The following TBL1XR1 variants were observed in gnomAD, a reference collection of about 807,000 sequenced individuals.
The protein encoded by TBL1XR1 is F-box-like/WD repeat-containing protein TBL1XR1.
Under a neutral mutation model 66.9 loss-of-function variants are expected in TBL1XR1, and 5 were observed. The observed-to-expected ratio is 0.07, with a 90% CI of 0.04 to 0.16. TBL1XR1 has a LOEUF of 0.16. Among genes scored for constraint, TBL1XR1 ranks in the 10% least tolerant of loss-of-function variants. The pLI is 1.00. For synonymous variants in TBL1XR1, 210 were observed against 206.0 expected (o/e 1.02, Z -0.17); for missense variants, 238 against 623.2 (o/e 0.38, Z 6.58).
chr3:177,027,809 T>A (rs538653971), intron 14 of TBL1XR1: 10 of 152,210 alleles, frequency 6.6e-5, no homozygotes, highest in Non-Finnish European at 1.5e-4. Flanking sequence ...AACTGTTTTG[T>A]TTACTTAAAA....
chr3:177,063,897 C>T (rs1227801473), intron 3 of TBL1XR1, among the ~76,000 whole-genome samples: 1 of 152,134 alleles, frequency 6.6e-6, no homozygotes, highest in Non-Finnish European at 1.5e-5. Flanking sequence ...CCAAAAAATG[C>T]TCAGCACTGA....
intron 3 of TBL1XR1, among the ~76,000 whole-genome samples, chr3:177,062,247 T>C (rs1476075856): frequency 6.6e-6 from 1 of 152,262 alleles, no homozygotes; most frequent in Non-Finnish European, 1.5e-5. Flanking sequence ...TTTTCTACTT[T>C]ATCTTGAATA....
chr3:177,088,503 T>A (rs780293094), intron 2 of TBL1XR1, among the ~76,000 whole-genome samples: 1 of 152,204 alleles, frequency 6.6e-6, no homozygotes, highest in Non-Finnish European at 1.5e-5. Context: ...AATACTCTGG[T>A]CCTAAGTATT....
chr3:177,194,812 T>C (rs1577459873), intron 1 of TBL1XR1, among the ~76,000 whole-genome samples: 1 of 152,198 alleles, frequency 6.6e-6, no homozygotes, highest in South Asian at 2.1e-4. Context: ...AGAATACAAA[T>C]ATCAAAAAGA....
At chr3:177,070,973 T>C (rs1719904113) in intron 2 of TBL1XR1, among the ~76,000 whole-genome samples, 1 of 151,530 alleles carries the variant, frequency 6.6e-6, no homozygotes, top group Non-Finnish European at 1.5e-5. Context: ...TAATGAGACT[T>C]TATCAACTAA....
At chr3:177,106,745 C>G (rs1169666249) in intron 1 of TBL1XR1, among the ~76,000 whole-genome samples, 1 of 152,194 alleles carries the variant, frequency 6.6e-6, no homozygotes, top group Non-Finnish European at 1.5e-5. Context: ...AGACAGTCCG[C>G]TAACAGGGAA....
At chr3:177,065,071 C>A (rs1718976326) in intron 2 of TBL1XR1, 49 bp from the exon 3 acceptor site, 6 of 1,211,992 alleles carry the variant, frequency 5.0e-6, no homozygotes, top group African/African-American at 1.6e-5. Flanking sequence ...TATTTTTAAA[C>A]AAGATGTAAA....
chr3:177,156,538 C>G (rs1268111791), intron 1 of TBL1XR1, among the ~76,000 whole-genome samples: 1 of 149,174 alleles, frequency 6.7e-6, no homozygotes, highest in Non-Finnish European at 1.5e-5. Flanking sequence ...CACACACACA[C>G]ACACACACAC....
At chr3:177,050,188 C>A in intron 6 of TBL1XR1, 50 bp from the exon 7 acceptor site, 2 of 1,573,260 alleles carry the variant, frequency 1.3e-6, no homozygotes, top group Non-Finnish European at 1.7e-6. Flanking sequence ...TCTCACGTAT[C>A]AGAACAAGGC....
chr3:177,116,501 T>C (rs1386898394), intron 1 of TBL1XR1, among the ~76,000 whole-genome samples: 1 of 152,220 alleles, frequency 6.6e-6, no homozygotes, highest in African/African-American at 2.4e-5. Context: ...AAATTTTAGA[T>C]CACTCACATC....
At chr3:177,139,829 A>C (rs1236291304) in intron 1 of TBL1XR1, among the ~76,000 whole-genome samples, 1 of 152,214 alleles carries the variant, frequency 6.6e-6, no homozygotes, top group Non-Finnish European at 1.5e-5. Context: ...AACACTCAAC[A>C]GAGTAACATT....
intron 2 of TBL1XR1, among the ~76,000 whole-genome samples, chr3:177,077,519 C>T (rs1720838238): frequency 6.6e-6 from 1 of 152,330 alleles, no homozygotes; most frequent in East Asian, 1.9e-4. Context: ...CTTACAGCCA[C>T]GTCTCTCTTT....
intron 1 of TBL1XR1, among the ~76,000 whole-genome samples, chr3:177,105,294 T>C (rs775414690): frequency 6.6e-6 from 1 of 152,186 alleles, no homozygotes; most frequent in Non-Finnish European, 1.5e-5. Flanking sequence ...TACATAAAGT[T>C]TGATAGCTGC....
intron 1 of TBL1XR1, chr3:177,161,049 A>T (rs181593082): frequency 2.6e-4 from 40 of 152,284 alleles, no homozygotes; most frequent in African/African-American, 9.1e-4. Context: ...AAAAAAATTT[A>T]TATCAAGTAC....
chr3:177,134,318 C>A (rs535429675), intron 1 of TBL1XR1, among the ~76,000 whole-genome samples: 49 of 152,226 alleles, frequency 3.2e-4, no homozygotes, highest in African/African-American at 1.1e-3. Context: ...CACCACAAGT[C>A]ACATAGCAAC....
At chr3:177,025,851 T>C (rs1713039573) in intron 15 of TBL1XR1, 1 of 347,408 alleles carries the variant, frequency 2.9e-6, no homozygotes, top group Middle Eastern at 8.5e-4. Flanking sequence ...TCACAGATTA[T>C]ATTCAGCTAC....
At chr3:177,157,942 A>G (rs1369704130) in intron 1 of TBL1XR1, among the ~76,000 whole-genome samples, 1 of 152,154 alleles carries the variant, frequency 6.6e-6, no homozygotes, top group African/African-American at 2.4e-5. Context: ...GTACAGCTCA[A>G]TGAAGTTTGT....
chr3:177,025,436 A>T lies in TBL1XR1; in HGVS notation c.*62T>A, dbSNP rs1712969684. 1 of 1,577,170 alleles carries T rather than the reference A, an allele frequency of 6.3e-7. No individual in the cohort carries two copies. Among genetic ancestry groups the T allele is most frequent in the Admixed American group, 1.7e-5 (1 of 59,588 alleles). The stretch of plus-strand genomic sequence containing the variant: ...GTGGGACTATAGCAGTACATGGGTC[A>T]GGGACAGTCATTTTGGCTATGTACA... On this transcript the variant is annotated 3_prime_UTR_variant, in exon 16 of 16. Transcript: ENST00000457928.
At chr3:177,029,550 A>G (rs1386433466) in intron 14 of TBL1XR1, among the ~76,000 whole-genome samples, 1 of 152,114 alleles carries the variant, frequency 6.6e-6, no homozygotes, top group Non-Finnish European at 1.5e-5. Flanking sequence ...AAGCCCAGGA[A>G]GGCCAAGGCT....
Sources: gnomAD v4.1 joint callset for allele counts (sites outside exome capture counted in the v4.1 genomes callset) on GRCh38, gnomAD v4.1.1 for gene constraint, MANE v1.5 for transcripts, NCBI Gene and HGNC (gene_info 2026-07-23, HGNC 2026-07-21) for gene names.